Variants in NAALADL2 observed in about 807,000 individuals in gnomAD.
NAALADL2 encodes inactive N-acetylated-alpha-linked acidic dipeptidase-like protein 2.
Under a neutral mutation model 87.2 loss-of-function variants are expected in NAALADL2, and 76 were observed. The ratio of observed to expected loss-of-function variants is 0.87; its 90% CI spans 0.72 to 1.05. NAALADL2 has a LOEUF of 1.05. Ranked by LOEUF, NAALADL2 falls within the 50% of genes least tolerant of loss-of-function variation. NAALADL2 has a pLI of 0.00. For synonymous variants in NAALADL2, 354 were observed against 331.0 expected, an observed-to-expected ratio of 1.07 and a Z score of -0.75; for missense variants, 1,089 against 945.8, an observed-to-expected ratio of 1.15 and a Z score of -1.99.
chr3:174,537,964 C>G (rs578252619), intron 1 of NAALADL2, among the ~76,000 whole-genome samples: 2 of 152,202 alleles, frequency 1.3e-5, no homozygotes, highest in East Asian at 3.9e-4. Flanking sequence ...GAGCAAGAAC[C>G]TGGTCTAATT....
At chr3:175,701,889 A>G (rs1025218046) in intron 11 of NAALADL2, among the ~76,000 whole-genome samples, 1 of 152,134 alleles carries the variant, frequency 6.6e-6, no homozygotes, top group Admixed American at 6.6e-5. Context: ...TGCGAATTGC[A>G]TATTTATCAA....
chr3:175,558,581 C>T (rs62288372), intron 9 of NAALADL2, among the ~76,000 whole-genome samples: 19,737 of 152,120 alleles, frequency 0.13, 1,379 homozygotes, highest in Middle Eastern at 0.17. Flanking sequence ...TTTTAATCCA[C>T]TTGAATTTGA....
At chr3:175,355,009 T>C (rs974660007) in intron 5 of NAALADL2, among the ~76,000 whole-genome samples, 1 of 134,480 alleles carries the variant, frequency 7.4e-6, no homozygotes, top group Non-Finnish European at 1.6e-5. Flanking sequence ...ATATATATAA[T>C]TGCTATATAT....
rs149887066 is a variant in NAALADL2 at position 175,635,210 on chromosome 3, T to C, written c.1896+7824T>C. ...TAATTTGTAAAGACACGCCTTATAC[T>C]ATCAGTTTCTCTTTTGTCTTTTTGT... On this transcript the variant is annotated intron_variant, in intron 11 of 13. Transcript: ENST00000454872. Among the ~76,000 whole-genome samples, 1,449 of 152,228 alleles carry C rather than the reference T, an allele frequency of 9.5e-3. 22 individuals carry two copies. The highest frequency in any genetic ancestry group is 0.031 in the African/African-American group (1,309 of 41,572).
chr3:175,268,118 T>A (rs1420685130), intron 4 of NAALADL2, among the ~76,000 whole-genome samples: 1 of 152,120 alleles, frequency 6.6e-6, no homozygotes, highest in Non-Finnish European at 1.5e-5. Context: ...GATGATTTCG[T>A]TGTTGTTGTT....
intron 5 of NAALADL2, among the ~76,000 whole-genome samples, chr3:175,391,487 C>T (rs1306017307): frequency 1.3e-5 from 2 of 152,170 alleles, no homozygotes; most frequent in African/African-American, 2.4e-5. Context: ...TAGCAAGGAA[C>T]TGAGAGAGGC....
chr3:175,013,276 T>TAA (rs1750343543), intron 1 of NAALADL2, among the ~76,000 whole-genome samples: 1 of 92,372 alleles, frequency 1.1e-5, no homozygotes, highest in African/African-American at 5.2e-5. Context: ...TTTATATATA[T>TAA]ACATATATAT....
chr3:174,926,481 A>C (rs1322610599), intron 1 of NAALADL2, among the ~76,000 whole-genome samples: 2 of 152,228 alleles, frequency 1.3e-5, no homozygotes, highest in Admixed American at 1.3e-4. Context: ...CACAAAGAGA[A>C]GCCCATCAGA....
At chr3:174,446,517 T>C (rs73881159) in intron 1 of NAALADL2, among the ~76,000 whole-genome samples, 2,190 of 152,314 alleles carry the variant, frequency 0.014, 51 homozygotes, top group African/African-American at 0.05. Flanking sequence ...ACAATTATCA[T>C]TGGTGATAAA....
At chr3:174,845,005 G>T (rs147580859) in intron 3 of NAALADL2, among the ~76,000 whole-genome samples, 3 of 151,934 alleles carry the variant, frequency 2.0e-5, no homozygotes, top group Non-Finnish European at 4.4e-5. Context: ...CTGCCTCCAG[G>T]CTAGTGACTT....
At chr3:174,534,836 G>C (rs750284026) in intron 1 of NAALADL2, among the ~76,000 whole-genome samples, 2 of 152,156 alleles carry the variant, frequency 1.3e-5, no homozygotes, top group Non-Finnish European at 2.9e-5. Context: ...AAAGTGATTT[G>C]TTTGGGAAGC....
chr3:174,721,415 A>T (rs1392798333), intron 2 of NAALADL2, among the ~76,000 whole-genome samples: 1 of 152,148 alleles, frequency 6.6e-6, no homozygotes, highest in Non-Finnish European at 1.5e-5. Context: ...CCCTCCTGAA[A>T]ATTCAGCTTT....
At chr3:175,191,018 T>C (rs368605595) in intron 2 of NAALADL2, among the ~76,000 whole-genome samples, 95 of 147,878 alleles carry the variant, frequency 6.4e-4, no homozygotes, top group African/African-American at 2.2e-3. Context: ...AAGTAACCAA[T>C]ACGTAGAATG....
At chr3:175,619,225 GAGAA>G (rs773875464) in intron 10 of NAALADL2, among the ~76,000 whole-genome samples, 179 of 107,986 alleles carry the variant, frequency 1.7e-3, no homozygotes, top group African/African-American at 4.9e-3. Flanking sequence ...GAGAGAAAGA[GAGAA>G]AGAAAGAAAG....
intron 9 of NAALADL2, among the ~76,000 whole-genome samples, chr3:175,542,655 C>T (rs1000472443): frequency 1.8e-4 from 28 of 152,156 alleles, no homozygotes; most frequent in Admixed American, 9.8e-4. Context: ...CCACTGCACC[C>T]GGCCTTGTAT....
chr3:174,882,663 A>C (rs1472970879), intron 1 of NAALADL2, among the ~76,000 whole-genome samples: 1 of 137,138 alleles, frequency 7.3e-6, no homozygotes, highest in Non-Finnish European at 1.5e-5. Context: ...ACATATGTGC[A>C]TATACACATA....
intron 11 of NAALADL2, among the ~76,000 whole-genome samples, chr3:175,703,149 T>C (rs998266301): frequency 2.6e-5 from 4 of 152,200 alleles, no homozygotes; most frequent in African/African-American, 9.6e-5. Context: ...CTGGCACTCA[T>C]AGAATTTCTC....
At chr3:175,334,073 G>T (rs1427442209) in intron 5 of NAALADL2, among the ~76,000 whole-genome samples, 1 of 152,026 alleles carries the variant, frequency 6.6e-6, no homozygotes, top group African/African-American at 2.4e-5. Context: ...CAATGTTTTA[G>T]GCTTATCTTG....
intron 9 of NAALADL2, among the ~76,000 whole-genome samples, chr3:175,531,236 G>A (rs1393662166): frequency 6.6e-6 from 1 of 152,078 alleles, no homozygotes; most frequent in Non-Finnish European, 1.5e-5. Flanking sequence ...TGAGGAATGT[G>A]TTGCCTCCAA....
Sources: gnomAD v4.1 joint callset for allele counts (sites outside exome capture counted in the v4.1 genomes callset) on GRCh38, gnomAD v4.1.1 for gene constraint, MANE v1.5 for transcripts, NCBI Gene and HGNC (gene_info 2026-07-23, HGNC 2026-07-21) for gene names.